Variants in DYM observed in about 807,000 individuals in gnomAD.
DYM encodes dymeclin.
In DYM, 78 loss-of-function variants were observed where a neutral mutation model predicts 93.1. That is an observed-to-expected ratio of 0.84 (90% CI 0.70 to 1.01). The LOEUF (loss-of-function observed/expected upper bound fraction) is 1.01, where lower values mean the gene tolerates loss of function less well. Among genes scored for constraint, DYM ranks in the 50% least tolerant of loss-of-function variants. The pLI is 0.00. For synonymous variants in DYM, 321 were observed against 319.7 expected (o/e 1.00, Z -0.04); for missense variants, 789 against 845.0 (o/e 0.93, Z 0.82).
chr18:49,271,447 C>A (rs2094696391), intron 11 of DYM, among the ~76,000 whole-genome samples: 1 of 152,082 alleles, frequency 6.6e-6, no homozygotes, highest in Non-Finnish European at 1.5e-5. Context: ...GCAGGAAGAA[C>A]CAATGACTAT....
chr18:49,262,579 A>C (rs2094507031), intron 11 of DYM, among the ~76,000 whole-genome samples: 1 of 152,204 alleles, frequency 6.6e-6, no homozygotes, highest in Non-Finnish European at 1.5e-5. Flanking sequence ...ATATAAGAAG[A>C]ATATTCACCA....
At chr18:49,311,519 C>T (rs894294757) in intron 8 of DYM, among the ~76,000 whole-genome samples, 15 of 152,118 alleles carry the variant, frequency 9.9e-5, no homozygotes, top group African/African-American at 3.1e-4. Flanking sequence ...AAATGTGGCA[C>T]ATATACACTA....
At chr18:49,427,104 A>C (rs1437120503) in intron 2 of DYM, among the ~76,000 whole-genome samples, 4 of 152,160 alleles carry the variant, frequency 2.6e-5, no homozygotes, top group Non-Finnish European at 4.4e-5. Context: ...GCTAAAATAC[A>C]CTCAAAACTC....
At chr18:49,122,594 T>G (rs2082476009) in intron 15 of DYM, among the ~76,000 whole-genome samples, 2 of 152,164 alleles carry the variant, frequency 1.3e-5, no homozygotes. Flanking sequence ...TACATTATAG[T>G]GAGTTGTATA....
At position 49,042,702 on chromosome 18, in the gene DYM, T is replaced by G. The variant is rs1180128941; in HGVS notation, c.*1353A>C. On this transcript the variant is annotated 3_prime_UTR_variant, in exon 18 of 18. Coordinates refer to ENST00000675505, the MANE Select transcript of DYM (RefSeq NM_001353214.3). Reference sequence around the variant, plus strand: ...ATGTTGAAGACCAAATACTTTTTCTTTGAGAATGAAACTAGGCTCCTTATC... The same window carrying G: ...ATGTTGAAGACCAAATACTTTTTCTGTGAGAATGAAACTAGGCTCCTTATC... The G allele has an allele frequency of 6.6e-6, 1 of 152,238 alleles. No homozygotes were observed. The highest frequency in any genetic ancestry group is 2.4e-5 in the African/African-American group (1 of 41,460). The allele number at this position is 152,238 out of a possible 1,614,324, so 9.4% of individuals were successfully genotyped here.
chr18:49,258,421 C>T lies in DYM; in HGVS notation c.1324G>A (p.Val442Met), dbSNP rs374230937. The change falls in exon 12 of 18, where the codon GTG becomes ATG. Residue 442 changes from valine (V) to methionine (M), a missense_variant. Coordinates refer to ENST00000675505, the MANE Select transcript of DYM (RefSeq NM_001353214.3). ...TTGTATTGAATGGTTCTTATTACCA[C>T]CAGGATCAGGAGACTCCCCAAGGAG... ...EISLGSLLIL[V>M]VIRTIQYNMT... The T allele has an allele frequency of 6.2e-6, 10 of 1,613,260 alleles. No individual in the cohort carries two copies. Among genetic ancestry groups the T allele is most frequent in the Non-Finnish European group, 8.5e-6 (10 of 1,179,352 alleles).
chr18:49,080,260 T>G (rs539697181), intron 17 of DYM, among the ~76,000 whole-genome samples: 6 of 96,364 alleles, frequency 6.2e-5, no homozygotes, highest in African/African-American at 2.1e-4. Flanking sequence ...GCAGAGGGGC[T>G]CCTCACTTCC....
At chr18:49,282,251 G>A in intron 9 of DYM, 76 bp from the exon 10 acceptor site, 1 of 1,279,270 alleles carries the variant, frequency 7.8e-7, no homozygotes, top group Non-Finnish European at 1.1e-6. Context: ...AAAGTAATGT[G>A]TACAACTCAA....
intron 17 of DYM, among the ~76,000 whole-genome samples, chr18:49,094,067 TA>T (rs2079325970): frequency 6.6e-6 from 1 of 152,240 alleles, no homozygotes; most frequent in Non-Finnish European, 1.5e-5. Flanking sequence ...TTATTTACAC[TA>T]AAAGATAAGT....
intron 10 of DYM, among the ~76,000 whole-genome samples, chr18:49,279,864 T>A (rs1466321086): frequency 6.6e-6 from 1 of 152,252 alleles, no homozygotes; most frequent in African/African-American, 2.4e-5. Context: ...TTCACCACAC[T>A]TTTTGTTCTT....
chr18:49,402,160 C>CTG (rs1337986726), intron 2 of DYM, among the ~76,000 whole-genome samples: 6 of 152,162 alleles, frequency 3.9e-5, no homozygotes, highest in Non-Finnish European at 5.9e-5. Flanking sequence ...AGGGAGACAA[C>CTG]TGTCATCAAC....
At chr18:49,194,355 C>T (rs976131548) in intron 14 of DYM, among the ~76,000 whole-genome samples, 16 of 152,256 alleles carry the variant, frequency 1.1e-4, no homozygotes, top group Middle Eastern at 3.4e-3. Flanking sequence ...CCTACACACT[C>T]GACATCAACT....
At chr18:49,363,317 T>C (rs1333076191) in intron 5 of DYM, 84 bp from the exon 6 acceptor site, 1 of 948,360 alleles carries the variant, frequency 1.1e-6, no homozygotes, top group Non-Finnish European at 1.7e-6. Flanking sequence ...TCATTCCTAA[T>C]GAGAATACAA....
intron 7 of DYM, 130 bp downstream of exon 7, chr18:49,333,598 A>G: frequency 9.6e-7 from 1 of 1,043,172 alleles, no homozygotes; most frequent in Non-Finnish European, 1.4e-6. Flanking sequence ...CACTGGGTTT[A>G]AAGAGACAAT....
chr18:49,108,075 CTTTG>C (rs56843134), intron 16 of DYM, among the ~76,000 whole-genome samples: 3,769 of 152,308 alleles, frequency 0.025, 141 homozygotes, highest in African/African-American at 0.084. Flanking sequence ...TTCCTGGCCA[CTTTG>C]TTTACCTACT....
intron 8 of DYM, among the ~76,000 whole-genome samples, chr18:49,289,523 G>T (rs1004145248): frequency 1.3e-5 from 2 of 148,292 alleles, no homozygotes; most frequent in Non-Finnish European, 3.0e-5. Context: ...GCAACACAGT[G>T]AGACCTTGTC....
chr18:49,418,610 A>G (rs1336182937), intron 2 of DYM, among the ~76,000 whole-genome samples: 1 of 152,226 alleles, frequency 6.6e-6, no homozygotes, highest in Non-Finnish European at 1.5e-5. Flanking sequence ...TGCAGCAAAC[A>G]TCGATTTTTG....
chr18:49,367,901 CTT>C (rs66616066), intron 5 of DYM, among the ~76,000 whole-genome samples: 13,872 of 152,092 alleles, frequency 0.091, 847 homozygotes, highest in East Asian at 0.31. Context: ...TTATTAAAAA[CTT>C]ATATTCAGAA....
rs2070891036 is a variant in DYM at position 49,040,981 on chromosome 18, CT to C, written c.*3073del. ...TGATGCTGGTCCTGTGTCCTTTCCA[CT>C]TTCTATCGTCTACTTCCCAGCTCCT... is the stretch of plus-strand genomic sequence containing the variant. On this transcript the variant is annotated 3_prime_UTR_variant, in exon 18 of 18. Transcript: ENST00000675505. 1.3e-5 allele frequency among the ~76,000 whole-genome samples: 2 copies of C among 152,222 alleles called. No individual in the cohort carries two copies. The highest frequency in any genetic ancestry group is 6.5e-5 in the Admixed American group (1 of 15,286).
Sources: gnomAD v4.1 joint callset for allele counts (sites outside exome capture counted in the v4.1 genomes callset) on GRCh38, gnomAD v4.1.1 for gene constraint, MANE v1.5 for transcripts, NCBI Gene and HGNC (gene_info 2026-07-23, HGNC 2026-07-21) for gene names.